Variants in GRM1 observed in about 807,000 individuals in gnomAD.
GRM1 encodes metabotropic glutamate receptor 1.
In GRM1, 33 loss-of-function variants were observed where a neutral mutation model predicts 90.9. The ratio of observed to expected loss-of-function variants is 0.36; its 90% confidence interval spans 0.28 to 0.49. GRM1 has a LOEUF of 0.49. Among genes scored for constraint, GRM1 ranks in the 20% least tolerant of loss-of-function variants. The probability of loss-of-function intolerance (pLI) is 0.99; values close to 1 mark genes in which losing one functional copy is unlikely to be tolerated. For missense variants in GRM1, 1,190 were observed against 1,534.3 expected (o/e 0.78, Z 3.75); for synonymous variants, 700 against 613.2 (o/e 1.14, Z -2.09).
chr6:146,429,783 A>G (rs1022319211), intron 7 of GRM1, among the ~76,000 whole-genome samples: 2 of 151,950 alleles, frequency 1.3e-5, no homozygotes, highest in African/African-American at 4.8e-5. Flanking sequence ...TTCCGTTTCC[A>G]TTTTCACTTT....
At chr6:146,370,664 C>T (rs1214822141) in intron 5 of GRM1, among the ~76,000 whole-genome samples, 2 of 151,990 alleles carry the variant, frequency 1.3e-5, no homozygotes, top group African/African-American at 2.4e-5. Context: ...ATGCCAACCC[C>T]TGAGATACAA....
At chr6:146,157,332 A>G (rs893401899) in intron 1 of GRM1, among the ~76,000 whole-genome samples, 2 of 152,228 alleles carry the variant, frequency 1.3e-5, no homozygotes, top group Non-Finnish European at 2.9e-5. Flanking sequence ...ACAGATCACA[A>G]GATATGGAAA....
chr6:146,430,220 G>A (rs560753139), intron 7 of GRM1, among the ~76,000 whole-genome samples: 8 of 152,278 alleles, frequency 5.3e-5, no homozygotes, highest in Non-Finnish European at 1.0e-4. Flanking sequence ...GGGGGATTGC[G>A]ATAGCTAACT....
chr6:146,181,009 G>T (rs1447807558), intron 2 of GRM1, among the ~76,000 whole-genome samples: 1 of 152,048 alleles, frequency 6.6e-6, no homozygotes, highest in African/African-American at 2.4e-5. Flanking sequence ...ATTATGAAAC[G>T]TATAATTATA....
At position 146,131,652 on chromosome 6, in the gene GRM1, T is replaced by A. The variant is rs139133017; in HGVS notation, c.701-27696T>A. 9.9e-5 allele frequency among the ~76,000 whole-genome samples: 15 copies of A among 152,198 alleles called. No individual in the cohort carries two copies. In the East Asian group the frequency reaches 2.9e-3, roughly 29 times the overall value. On this transcript the variant is annotated intron_variant, in intron 1 of 7. Coordinates refer to ENST00000282753, the MANE Select transcript of GRM1 (RefSeq NM_001278064.2). ...ATTTGCTGACTGAATTGGTCAACAATTGCAGGAGAGTGAATTTATTCATTT... is the reference window on the plus strand; with the variant it reads ...ATTTGCTGACTGAATTGGTCAACAAATGCAGGAGAGTGAATTTATTCATTT...
rs886717735 is a variant in GRM1 at position 146,408,262 on chromosome 6, A to C, written c.2660+8563A>C. 3.3e-5 allele frequency among the ~76,000 whole-genome samples: 5 copies of C among 152,224 alleles called. No individual in the cohort carries two copies. The East Asian group carries it at 5.8e-4, about 18-fold the overall frequency. On this transcript the variant is annotated intron_variant, in intron 7 of 7. Coordinates refer to ENST00000282753, the MANE Select transcript of GRM1 (RefSeq NM_001278064.2). Reference sequence around the variant, plus strand: ...TCTTCCAAAGGCCCTACCTCTTCATACTCTCACATTGGGAGATTTTAACAT... The same window carrying C: ...TCTTCCAAAGGCCCTACCTCTTCATCCTCTCACATTGGGAGATTTTAACAT...
intron 1 of GRM1, among the ~76,000 whole-genome samples, chr6:146,068,559 T>C (rs1562442632): frequency 6.6e-6 from 1 of 152,244 alleles, no homozygotes; most frequent in Non-Finnish European, 1.5e-5. Flanking sequence ...TGGCAAGTCA[T>C]GAGGAGGCTC....
intron 1 of GRM1, among the ~76,000 whole-genome samples, chr6:146,075,643 A>G (rs958742267): frequency 1.3e-5 from 2 of 152,210 alleles, no homozygotes; most frequent in Non-Finnish European, 2.9e-5. Flanking sequence ...AAAATAATAG[A>G]AATGGATTGT....
intron 7 of GRM1, among the ~76,000 whole-genome samples, chr6:146,414,645 G>GC (rs1306912645): frequency 6.6e-6 from 1 of 152,066 alleles, no homozygotes; most frequent in Non-Finnish European, 1.5e-5. Context: ...CTTGTGATCC[G>GC]CCCGCCTCGG....
At chr6:146,074,530 C>T (rs181216764) in intron 1 of GRM1, among the ~76,000 whole-genome samples, 242 of 152,238 alleles carry the variant, frequency 1.6e-3, no homozygotes, top group South Asian at 5.0e-3. Flanking sequence ...ATGGATTTGT[C>T]AGTCGTGGGA....
Position 146,399,654 on chromosome 6 carries a change from T to A in GRM1, c.2615T>A (p.Phe872Tyr). 1 of 1,613,986 alleles carries A rather than the reference T, an allele frequency of 6.2e-7. No individual in the cohort carries two copies. The highest frequency in any genetic ancestry group is 8.5e-7 in the Non-Finnish European group (1 of 1,179,984). The change falls in exon 7 of 8, where the codon TTC becomes TAC. Residue 872 changes from phenylalanine to tyrosine, a missense_variant. Physicochemically the swap from Phe to Tyr is conservative, Grantham distance 22. This residue lies in a region of GRM1 where 400 missense variants were observed against 360.8 expected (regional missense o/e 1.11). Transcript: ENST00000282753. This position sits in a 1 kb window ranked among gnomAD's most constrained non-coding sequence, Gnocchi z 5.4. ...AAGCTGCCCTGCCGCTCCAACACTTTCCTCAACATCTTCCGAAGAAAGAAG... is the reference window on the plus strand; with the variant it reads ...AAGCTGCCCTGCCGCTCCAACACTTACCTCAACATCTTCCGAAGAAAGAAG... ...DGKLPCRSNTFLNIFRRKKAG... is the reference protein window; with the variant it reads ...DGKLPCRSNTYLNIFRRKKAG...
At chr6:146,186,568 T>C (rs1778738640) in intron 2 of GRM1, among the ~76,000 whole-genome samples, 1 of 152,196 alleles carries the variant, frequency 6.6e-6, no homozygotes, top group Non-Finnish European at 1.5e-5. Context: ...GGGTACATGA[T>C]CTGTTTACCA....
chr6:146,305,892 A>G lies in GRM1; in HGVS notation c.1186+1046A>G, dbSNP rs362956. ...CTCTTTGGGCAAATCAAAACAGATC[A>G]CATACATGAAATAGACAAATAACAA... On this transcript the variant is annotated intron_variant, in intron 3 of 7. Coordinates refer to ENST00000282753, the MANE Select transcript of GRM1 (RefSeq NM_001278064.2). Among the ~76,000 whole-genome samples, 1,356 of 152,366 alleles carry G rather than the reference A, an allele frequency of 8.9e-3. 10 individuals carry two copies. Among genetic ancestry groups the G allele is most frequent in the Non-Finnish European group, 0.015 (1,022 of 68,022 alleles).
At chr6:146,314,170 G>A (rs1435499544) in intron 3 of GRM1, among the ~76,000 whole-genome samples, 2 of 136,996 alleles carry the variant, frequency 1.5e-5, no homozygotes, top group African/African-American at 5.5e-5. Context: ...AGGTTCAAGC[G>A]ATTCTCCTGC....
intron 2 of GRM1, among the ~76,000 whole-genome samples, chr6:146,207,244 C>G (rs1252893392): frequency 1.3e-5 from 2 of 152,170 alleles, no homozygotes; most frequent in Non-Finnish European, 2.9e-5. Context: ...ATACTGCTTT[C>G]TACAATGGTT....
At chr6:146,065,377 G>A (rs757596139) in intron 1 of GRM1, among the ~76,000 whole-genome samples, 5 of 152,078 alleles carry the variant, frequency 3.3e-5, no homozygotes, top group Non-Finnish European at 7.4e-5. Context: ...AACGCAGGTG[G>A]CCTTTGGTCC....
chr6:146,029,068 T>A lies in GRM1; in HGVS notation c.-450T>A. 3.7e-6 allele frequency: 1 copy of A among 267,976 alleles called. No individual in the cohort carries two copies. Among genetic ancestry groups the A allele is most frequent in the Non-Finnish European group, 7.3e-6 (1 of 136,988 alleles). 16.6% of individuals were successfully genotyped at this position (267,976 alleles called of 1,614,324 possible). ...GTGACCACAGCTGCGCTCCAAGCTGTTCCTGCAGCCGATATCAGGATGTGC... is the reference window on the plus strand; with the variant it reads ...GTGACCACAGCTGCGCTCCAAGCTGATCCTGCAGCCGATATCAGGATGTGC... On this transcript the variant is annotated 5_prime_UTR_variant, in exon 1 of 8. Coordinates refer to ENST00000282753, the MANE Select transcript of GRM1 (RefSeq NM_001278064.2).
intron 1 of GRM1, among the ~76,000 whole-genome samples, chr6:146,044,917 A>G (rs926209034): frequency 6.6e-6 from 1 of 151,922 alleles, no homozygotes; most frequent in African/African-American, 2.4e-5. Context: ...TTGTTCATAC[A>G]AATCACCTGG....
intron 3 of GRM1, among the ~76,000 whole-genome samples, chr6:146,343,651 G>A (rs1033468860): frequency 1.5e-5 from 2 of 132,936 alleles, no homozygotes; most frequent in African/African-American, 7.5e-5. Context: ...TGTTGTTGTT[G>A]TTTTTATTTA....
Sources: allele counts gnomAD v4.1 joint callset (sites outside exome capture counted in the v4.1 genomes callset), GRCh38; gene constraint gnomAD v4.1.1; regional missense constraint gnomAD v4.1.1; non-coding constraint Gnocchi (gnomAD v3.1); transcripts MANE v1.5; gene names NCBI Gene and HGNC (gene_info 2026-07-23, HGNC 2026-07-21).